AMPH: variants seen among roughly 807,000 people sequenced by gnomAD.
The protein encoded by AMPH is amphiphysin (Stiff-Mann syndrome with breast cancer 128kD autoantigen).
A neutral mutation model predicts 99.1 loss-of-function variants in AMPH; 49 were observed. The ratio of observed to expected loss-of-function variants is 0.49; its 90% CI spans 0.39 to 0.63. The LOEUF (loss-of-function observed/expected upper bound fraction) is 0.63, where lower values mean the gene tolerates loss of function less well. Ranked by LOEUF, AMPH falls within the 20% of genes least tolerant of loss-of-function variation. The probability of loss-of-function intolerance (pLI) is 0.00; values close to 1 mark genes in which losing one functional copy is unlikely to be tolerated. For missense variants in AMPH, 759 were observed against 863.4 expected (o/e 0.88, Z 1.52); for synonymous variants, 314 against 317.3 (o/e 0.99, Z 0.11).
At chr7:38,460,320 C>A (rs1472612941) in intron 11 of AMPH, among the ~76,000 whole-genome samples, 1 of 152,126 alleles carries the variant, frequency 6.6e-6, no homozygotes, top group Non-Finnish European at 1.5e-5. Flanking sequence ...ACCATAAGAT[C>A]CAGCAATCCC....
intron 14 of AMPH, chr7:38,429,493 A>G: frequency 7.5e-7 from 1 of 1,335,160 alleles, no homozygotes. Flanking sequence ...TCATTTTGAG[A>G]TCTTTGAATT....
Position 38,392,656 on chromosome 7 carries a change from A to G in AMPH, c.1609-639T>C, listed in dbSNP as rs182131396. ...CACCTCGGCCTCCCAAAGTGCTGGG[A>G]TTACAGGCGTGAGCCACCACGCCCA... is the stretch of plus-strand genomic sequence containing the variant. On this transcript the variant is annotated intron_variant, in intron 18 of 20. Coordinates refer to ENST00000356264, the MANE Select transcript of AMPH (RefSeq NM_001635.4). 9.8e-5 allele frequency: 15 copies of G among 153,040 alleles called. No homozygotes were observed. In the East Asian group the frequency reaches 2.7e-3, roughly 28 times the overall value. The allele number at this position is 153,040 out of a possible 1,614,324, so 9.5% of individuals were successfully genotyped here. A position where few individuals can be genotyped will look rare whatever the true frequency, so the allele number is the denominator to read the frequency against.
In AMPH at chr7:38,429,516, C is replaced by T. The variant is rs763729236; in HGVS notation, c.1182+326G>A. ...AGATCTTTGAATTTCTTCGGCCAAC[C>T]CACTGTCTGGAGTTTCCTCCATGAT... On this transcript the variant is annotated intron_variant, in intron 14 of 20. Transcript: ENST00000356264. 9 of 1,374,882 alleles carry T rather than the reference C, an allele frequency of 6.5e-6. No individual in the cohort carries two copies. The African/African-American group carries it at 7.2e-5, about 11-fold the overall frequency. 85.2% of individuals were successfully genotyped at this position (1,374,882 alleles called of 1,614,324 possible).
At chr7:38,507,488 T>C (rs186598623) in intron 2 of AMPH, among the ~76,000 whole-genome samples, 413 of 152,332 alleles carry the variant, frequency 2.7e-3, no homozygotes, top group Non-Finnish European at 4.5e-3. Context: ...ACCTACAATA[T>C]GCCATAAAGT....
chr7:38,510,090 C>T (rs1188354481), intron 2 of AMPH, among the ~76,000 whole-genome samples: 1 of 152,178 alleles, frequency 6.6e-6, no homozygotes, highest in South Asian at 2.1e-4. Flanking sequence ...GCTGCCACAA[C>T]ACAAAACCAC....
intron 1 of AMPH, among the ~76,000 whole-genome samples, chr7:38,552,648 G>T (rs905751343): frequency 6.6e-6 from 1 of 152,134 alleles, no homozygotes; most frequent in Non-Finnish European, 1.5e-5. Context: ...CCTGCCAGGT[G>T]TATGTCAGGT....
At chr7:38,415,872 C>G (rs766748588) in intron 17 of AMPH, among the ~76,000 whole-genome samples, 30 of 151,766 alleles carry the variant, frequency 2.0e-4, no homozygotes, top group Non-Finnish European at 3.4e-4. Context: ...TGCCTGAATC[C>G]TTCATTAGAC....
At chr7:38,461,554 C>T (rs1444715590) in intron 10 of AMPH, 143 bp from the exon 11 acceptor site, 5 of 1,006,994 alleles carry the variant, frequency 5.0e-6, no homozygotes, top group Non-Finnish European at 7.3e-6. Flanking sequence ...CTATCTGATA[C>T]AGGTAAAGAA....
chr7:38,603,332 A>G (rs1793320698), intron 1 of AMPH, among the ~76,000 whole-genome samples: 1 of 151,864 alleles, frequency 6.6e-6, no homozygotes, highest in African/African-American at 2.4e-5. Flanking sequence ...AAAAAAAAAA[A>G]AATTATGCCA....
rs571361832 is a variant in AMPH at position 38,524,160 on chromosome 7, G to A, written c.150+10771C>T. Reference sequence around the variant, plus strand: ...CTTCCCAGAAGCTAATTATTAACACGAAGCTAATTATGAGAAAAGTATCGG... The same window carrying A: ...CTTCCCAGAAGCTAATTATTAACACAAAGCTAATTATGAGAAAAGTATCGG... On this transcript the variant is annotated intron_variant, in intron 2 of 20. Coordinates refer to ENST00000356264, the MANE Select transcript of AMPH (RefSeq NM_001635.4). Among the ~76,000 whole-genome samples the A allele has an allele frequency of 9.9e-4, 150 of 152,212 alleles. 1 individual carries two copies. Among genetic ancestry groups the A allele is most frequent in the African/African-American group, 3.3e-3 (138 of 41,534 alleles).
chr7:38,526,116 T>C (rs1333684945), intron 2 of AMPH, among the ~76,000 whole-genome samples: 3 of 152,184 alleles, frequency 2.0e-5, no homozygotes, highest in Non-Finnish European at 4.4e-5. Context: ...TTGTCACTAG[T>C]TTTTATTTTA....
chr7:38,401,863 G>GT (rs1426558586), intron 17 of AMPH, among the ~76,000 whole-genome samples: 1 of 152,002 alleles, frequency 6.6e-6, no homozygotes, highest in East Asian at 1.9e-4. Flanking sequence ...GTTTGAGCAT[G>GT]TTTTTTTCTA....
chr7:38,449,655 C>T (rs1328382696), intron 11 of AMPH, among the ~76,000 whole-genome samples: 1 of 152,200 alleles, frequency 6.6e-6, no homozygotes, highest in Non-Finnish European at 1.5e-5. Context: ...GGTAATCCAC[C>T]AGGGCAATGA....
intron 1 of AMPH, among the ~76,000 whole-genome samples, chr7:38,550,838 T>C (rs2129045919): frequency 6.6e-6 from 1 of 152,350 alleles, no homozygotes; most frequent in South Asian, 2.1e-4. Flanking sequence ...CACAATTAGA[T>C]TTGTATAAAA....
At chr7:38,423,185 A>G (rs1304412815) in intron 15 of AMPH, among the ~76,000 whole-genome samples, 2 of 152,224 alleles carry the variant, frequency 1.3e-5, no homozygotes, top group Admixed American at 6.5e-5. Flanking sequence ...CAATCTCACT[A>G]TATTACTTAA....
chr7:38,409,815 G>T (rs555197377), intron 17 of AMPH, among the ~76,000 whole-genome samples: 395 of 152,256 alleles, frequency 2.6e-3, no homozygotes, highest in Non-Finnish European at 4.6e-3. Flanking sequence ...CAAAGTTAAT[G>T]AATTTTTGGT....
intron 17 of AMPH, 36 bp from the exon 18 acceptor site, chr7:38,394,250 T>A (rs1338741220): frequency 1.2e-6 from 2 of 1,605,232 alleles, no homozygotes; most frequent in Non-Finnish European, 1.7e-6. Flanking sequence ...CGTCTGCATC[T>A]CCATGGGCCT....
intron 2 of AMPH, among the ~76,000 whole-genome samples, chr7:38,504,181 C>T (rs1057014383): frequency 1.3e-5 from 2 of 152,176 alleles, no homozygotes; most frequent in African/African-American, 4.8e-5. Context: ...ATATAGATTA[C>T]ATGTTAAAAC....
chr7:38,390,210 G>A (rs1250223937), intron 19 of AMPH, among the ~76,000 whole-genome samples: 1 of 152,070 alleles, frequency 6.6e-6, no homozygotes, highest in Non-Finnish European at 1.5e-5. Context: ...ATTACTGTTT[G>A]TTGTTTAACT....
Sources: gnomAD v4.1 joint callset for allele counts (sites outside exome capture counted in the v4.1 genomes callset) on GRCh38, gnomAD v4.1.1 for gene constraint, MANE v1.5 for transcripts, NCBI Gene and HGNC (gene_info 2026-07-23, HGNC 2026-07-21) for gene names.